NOL4: variants seen among roughly 807,000 people sequenced by gnomAD.
NOL4 encodes the protein nucleolar protein 4.
Under a neutral mutation model 75.9 loss-of-function variants are expected in NOL4, and 17 were observed. The observed-to-expected ratio is 0.22, with a 90% CI of 0.15 to 0.34. NOL4 has a LOEUF of 0.34. Ranked by LOEUF, NOL4 falls within the 10% of genes least tolerant of loss-of-function variation. NOL4 has a pLI of 1.00. For missense variants in NOL4, 614 were observed against 793.5 expected, an observed-to-expected ratio of 0.77 and a Z score of 2.72; for synonymous variants, 292 against 289.9, an observed-to-expected ratio of 1.01 and a Z score of -0.07.
chr18:33,996,471 AC>A (rs1467194531), intron 6 of NOL4, among the ~76,000 whole-genome samples: 3 of 151,824 alleles, frequency 2.0e-5, no homozygotes, highest in African/African-American at 7.2e-5. Flanking sequence ...CAGGTTTGTT[AC>A]AAAGGCATAT....
intron 1 of NOL4, among the ~76,000 whole-genome samples, chr18:34,204,412 CTGAGGT>C (rs2035977211): frequency 1.3e-5 from 2 of 150,000 alleles, no homozygotes; most frequent in African/African-American, 5.0e-5. Context: ...GTTTAATATT[CTGAGGT>C]TCTCTTATCC....
chr18:34,106,871 T>C (rs970983697), intron 2 of NOL4, among the ~76,000 whole-genome samples: 1 of 152,042 alleles, frequency 6.6e-6, no homozygotes, highest in Non-Finnish European at 1.5e-5. Flanking sequence ...GCATGCTTCA[T>C]CCTTATATTT....
At chr18:33,955,399 TA>T in intron 8 of NOL4, among the ~76,000 whole-genome samples, 1 of 152,158 alleles carries the variant, frequency 6.6e-6, no homozygotes. Context: ...TTAAATCCTC[TA>T]AAAAAACATA....
At chr18:34,192,096 T>G (rs545357326) in intron 1 of NOL4, among the ~76,000 whole-genome samples, 1 of 152,258 alleles carries the variant, frequency 6.6e-6, no homozygotes, top group South Asian at 2.1e-4. Flanking sequence ...TTTGGCAAGA[T>G]TTTCAGCTAA....
intron 6 of NOL4, among the ~76,000 whole-genome samples, chr18:33,971,435 A>T (rs4799735): frequency 0.18 from 26,850 of 152,170 alleles, 2,902 homozygotes; most frequent in East Asian, 0.4. Context: ...AAATGATCAA[A>T]TGAGAAGAAA....
At chr18:33,865,514 T>G (rs1459380788) in intron 10 of NOL4, among the ~76,000 whole-genome samples, 12 of 152,088 alleles carry the variant, frequency 7.9e-5, no homozygotes. Flanking sequence ...ACATAAAAAT[T>G]CTTTCAATAC....
At chr18:34,071,438 GACACACACAC>G (rs61428886) in intron 5 of NOL4, among the ~76,000 whole-genome samples, 5 of 147,800 alleles carry the variant, frequency 3.4e-5, no homozygotes, top group East Asian at 2.0e-4. Flanking sequence ...CAGACAGACA[GACACACACAC>G]ACACACACAC....
chr18:34,152,631 C>G (rs537914804), intron 1 of NOL4, among the ~76,000 whole-genome samples: 29 of 151,912 alleles, frequency 1.9e-4, no homozygotes, highest in African/African-American at 6.7e-4. Flanking sequence ...CCTTATGGAA[C>G]AAGAGTTTGT....
At chr18:34,163,038 C>A (rs1413941779) in intron 1 of NOL4, among the ~76,000 whole-genome samples, 1 of 152,178 alleles carries the variant, frequency 6.6e-6, no homozygotes, top group Admixed American at 6.5e-5. Flanking sequence ...CAAAATTCAA[C>A]AACCCTTCAT....
chr18:33,877,849 T>TGCGC (rs1260713096), intron 10 of NOL4, among the ~76,000 whole-genome samples: 7 of 151,584 alleles, frequency 4.6e-5, no homozygotes, highest in African/African-American at 1.7e-4. Context: ...TGTGTGTGTG[T>TGCGC]GTGCGCTATC....
chr18:34,123,117 C>T (rs1348402396), intron 2 of NOL4, among the ~76,000 whole-genome samples: 2 of 147,242 alleles, frequency 1.4e-5, no homozygotes, highest in South Asian at 2.2e-4. Flanking sequence ...TAAGCTCTTA[C>T]GTCTTTTTTT....
intron 9 of NOL4, among the ~76,000 whole-genome samples, chr18:33,895,788 A>G (rs116062758): frequency 0.014 from 2,175 of 152,246 alleles, 51 homozygotes; most frequent in African/African-American, 0.049. Context: ...TCAACATAGT[A>G]TTGGAAGTCT....
intron 5 of NOL4, among the ~76,000 whole-genome samples, chr18:34,054,193 T>C (rs1241894499): frequency 2.6e-5 from 4 of 152,010 alleles, no homozygotes; most frequent in African/African-American, 9.7e-5. Flanking sequence ...TGGAGTGTTC[T>C]TTATATGTAT....
At chr18:33,897,330 A>G (rs551969043) in intron 9 of NOL4, among the ~76,000 whole-genome samples, 2 of 152,186 alleles carry the variant, frequency 1.3e-5, no homozygotes, top group Non-Finnish European at 2.9e-5. Context: ...TCATTGCAAC[A>G]CTATTCATGA....
chr18:34,045,245 A>G (rs1250448009), intron 5 of NOL4, among the ~76,000 whole-genome samples: 2 of 152,118 alleles, frequency 1.3e-5, no homozygotes, highest in Admixed American at 6.6e-5. Context: ...TTGGTTGAAT[A>G]AATTAATAAA....
At chr18:34,014,741 C>T (rs2074581169) in intron 6 of NOL4, among the ~76,000 whole-genome samples, 1 of 151,896 alleles carries the variant, frequency 6.6e-6, no homozygotes, top group South Asian at 2.1e-4. Context: ...ATAAATATCA[C>T]CTAACTTCAT....
At chr18:34,055,429 T>A (rs2076795638) in intron 5 of NOL4, among the ~76,000 whole-genome samples, 1 of 152,266 alleles carries the variant, frequency 6.6e-6, no homozygotes, top group East Asian at 1.9e-4. Context: ...AATAATATTA[T>A]CACACTTCCT....
intron 10 of NOL4, among the ~76,000 whole-genome samples, chr18:33,857,052 A>G (rs574053271): frequency 1.3e-5 from 2 of 152,130 alleles, no homozygotes; most frequent in South Asian, 4.1e-4. Flanking sequence ...CAACCATATT[A>G]TTTTAATTGA....
chr18:33,916,845 A>T (rs2145210933), intron 9 of NOL4, among the ~76,000 whole-genome samples: 1 of 152,294 alleles, frequency 6.6e-6, no homozygotes, highest in Non-Finnish European at 1.5e-5. Flanking sequence ...ATTTGTCCTA[A>T]AGTATAGCTT....
Sources: gnomAD v4.1 joint callset for allele counts (sites outside exome capture counted in the v4.1 genomes callset) on GRCh38, gnomAD v4.1.1 for gene constraint, MANE v1.5 for transcripts, NCBI Gene and HGNC (gene_info 2026-07-23, HGNC 2026-07-21) for gene names.